AGPAT5: variants seen among roughly 807,000 people sequenced by gnomAD.
AGPAT5 encodes the protein 1-acylglycerol-3-phosphate O-acyltransferase 5.
In AGPAT5, 46 loss-of-function variants were observed where a neutral mutation model predicts 45.6. That is an observed-to-expected ratio of 1.01 (90% confidence interval 0.80 to 1.29). The LOEUF (loss-of-function observed/expected upper bound fraction) is 1.29. Among genes scored for constraint, AGPAT5 ranks in the 50% most tolerant of loss-of-function variants. The pLI is 0.00. For missense variants in AGPAT5, 673 were observed against 450.7 expected (o/e 1.49, Z -4.47); for synonymous variants, 272 against 167.0 (o/e 1.63, Z -4.85).
rs1801648336 is a variant in AGPAT5 at position 6,751,322 on chromosome 8, A to G, written c.745+3494A>G. 2.0e-5 allele frequency among the ~76,000 whole-genome samples: 3 copies of G among 152,288 alleles called. No homozygotes were observed. The East Asian group carries it at 5.8e-4, about 29-fold the overall frequency. ...AATAATTTTTTTCTGAAGTTGGTAG[A>G]TTGTTGATATGCCATGGCCCAGTGT... On this transcript the variant is annotated intron_variant, in intron 6 of 7. Coordinates refer to ENST00000285518, the MANE Select transcript of AGPAT5 (RefSeq NM_018361.5).
Position 6,718,643 on chromosome 8 carries a change from T to C in AGPAT5, c.220-6227T>C, listed in dbSNP as rs948176181. 7.9e-5 allele frequency among the ~76,000 whole-genome samples: 12 copies of C among 152,228 alleles called. 1 individual carries two copies. Among genetic ancestry groups the C allele is most frequent in the African/African-American group, 2.9e-4 (12 of 41,468 alleles). On this transcript the variant is annotated intron_variant, in intron 1 of 7. Coordinates refer to ENST00000285518, the MANE Select transcript of AGPAT5 (RefSeq NM_018361.5). ...GCTGATGATTCCATGGATAGCCCAC[T>C]ACTAGTATTTTTACAAATTTCACAA...
chr8:6,736,138 C>T (rs1177945171), intron 4 of AGPAT5, among the ~76,000 whole-genome samples: 3 of 152,188 alleles, frequency 2.0e-5, no homozygotes, highest in African/African-American at 7.2e-5. Flanking sequence ...AGGTGTGAGC[C>T]ACCACGCCCA....
chr8:6,720,515 G>A (rs1800463536), intron 1 of AGPAT5, among the ~76,000 whole-genome samples: 1 of 152,214 alleles, frequency 6.6e-6, no homozygotes. Flanking sequence ...CAAGTTGAAT[G>A]TGGCAGAGTT....
rs765146947 is a variant in AGPAT5, at chr8:6,730,822, C to T, written c.401C>T (p.Ala134Val). Residue 134 changes from alanine (A) to valine (V), a missense_variant, in exon 3 of 8, where the codon GCT becomes GTT. Ala to Val is a moderately conservative substitution (Grantham distance 64). Transcript: ENST00000285518. ...KWLPLYGCYF[A>V]QHGGIYVKRS... ...CTGCCATTGTATGGGTGTTACTTTGCTCAGGTAACTTGTTTCCATGCTTTT... is the reference window on the plus strand; with the variant it reads ...CTGCCATTGTATGGGTGTTACTTTGTTCAGGTAACTTGTTTCCATGCTTTT... The T allele has an allele frequency of 3.1e-6, 5 of 1,607,630 alleles. No homozygotes were observed. Among genetic ancestry groups the T allele is most frequent in the Non-Finnish European group, 3.4e-6 (4 of 1,175,012 alleles).
At chr8:6,748,400 G>A (rs1373881740) in intron 6 of AGPAT5, among the ~76,000 whole-genome samples, 2 of 152,170 alleles carry the variant, frequency 1.3e-5, no homozygotes, top group African/African-American at 4.8e-5. Flanking sequence ...ATGTAAACAT[G>A]GAAATAGGCA....
intron 1 of AGPAT5, among the ~76,000 whole-genome samples, chr8:6,710,260 G>C (rs1360344014): frequency 6.6e-6 from 1 of 152,184 alleles, no homozygotes; most frequent in Non-Finnish European, 1.5e-5. Context: ...GTAAAACCTA[G>C]CAGTGTTTCT....
chr8:6,747,806 AAG>A lies in AGPAT5; in HGVS notation c.728_729del (p.Glu243ValfsTer20), dbSNP rs1467129783. On this transcript the variant is annotated frameshift_variant, in exon 6 of 8. Coordinates refer to ENST00000285518, the MANE Select transcript of AGPAT5 (RefSeq NM_018361.5). LOFTEE classifies it high-confidence loss of function. ...YEGKDDGGQR[R>X]ESPTMTEFLC... The stretch of plus-strand genomic sequence containing the variant: ...AAGGGAAAGACGATGGAGGGCAGCG[AAG>A]AGAGTCACCGACCATGACGGGTAAG... The A allele has an allele frequency of 1.9e-6, 3 of 1,614,028 alleles. No individual in the cohort carries two copies. The highest frequency in any genetic ancestry group is 2.5e-6 in the Non-Finnish European group (3 of 1,180,020).
chr8:6,742,037 T>G (rs79061906), intron 5 of AGPAT5, among the ~76,000 whole-genome samples: 2,106 of 152,312 alleles, frequency 0.014, 31 homozygotes, highest in African/African-American at 0.041. Context: ...ATTATGTAGA[T>G]GGAAGCTTTT....
intron 1 of AGPAT5, among the ~76,000 whole-genome samples, chr8:6,715,456 C>G (rs1011741284): frequency 6.6e-6 from 1 of 152,170 alleles, no homozygotes; most frequent in African/African-American, 2.4e-5. Flanking sequence ...GGGTTAGTAA[C>G]ACACTCAGTC....
intron 5 of AGPAT5, chr8:6,746,363 A>T (rs1432482646): frequency 6.6e-6 from 1 of 152,200 alleles, no homozygotes; most frequent in African/African-American, 2.4e-5. Flanking sequence ...TTTTTAAAAC[A>T]TTCATGATAA....
chr8:6,739,875 C>G (rs1383176070), intron 4 of AGPAT5, among the ~76,000 whole-genome samples: 1 of 152,044 alleles, frequency 6.6e-6, no homozygotes, highest in African/African-American at 2.4e-5. Flanking sequence ...TTCTTTAGTT[C>G]CTAGCCCCAT....
intron 2 of AGPAT5, among the ~76,000 whole-genome samples, chr8:6,729,922 C>G (rs556563148): frequency 4.3e-4 from 66 of 152,290 alleles, no homozygotes; most frequent in African/African-American, 1.6e-3. Flanking sequence ...CATTGTAAGG[C>G]ATGTGAGACC....
intron 5 of AGPAT5, among the ~76,000 whole-genome samples, chr8:6,743,212 GT>G (rs905931423): frequency 1.4e-4 from 22 of 152,242 alleles, no homozygotes; most frequent in African/African-American, 5.1e-4. Flanking sequence ...CCAGTGTCAG[GT>G]TTTGGTGTTT....
chr8:6,709,167 G>C (rs75702560), intron 1 of AGPAT5: 340 of 518,254 alleles, frequency 6.6e-4, no homozygotes, highest in African/African-American at 6.1e-3. Flanking sequence ...AGCAAAGTGG[G>C]TGCAGATGCA....
At chr8:6,716,327 G>C (rs1040816955) in intron 1 of AGPAT5, among the ~76,000 whole-genome samples, 2 of 152,106 alleles carry the variant, frequency 1.3e-5, no homozygotes, top group African/African-American at 4.8e-5. Context: ...GGGAGGCCAA[G>C]GAGGGTGGAT....
At chr8:6,712,978 C>G (rs1800201371) in intron 1 of AGPAT5, among the ~76,000 whole-genome samples, 2 of 152,130 alleles carry the variant, frequency 1.3e-5, no homozygotes, top group South Asian at 4.1e-4. Context: ...AAAAATTAAT[C>G]AACACGTAAT....
chr8:6,755,035 T>G lies in AGPAT5; in HGVS notation c.746-16T>G, dbSNP rs1193139214. Reference sequence around the variant, plus strand: ...TAAAATAGTAAAAAAAAAGAATTATTTTTGTTCTTTGTTAGAATTTCTCTG... The same window carrying G: ...TAAAATAGTAAAAAAAAAGAATTATGTTTGTTCTTTGTTAGAATTTCTCTG... On this transcript the variant is annotated splice_polypyrimidine_tract_variant and intron_variant, in intron 6 of 7. Transcript: ENST00000285518. The G allele has an allele frequency of 6.4e-7, 1 of 1,560,454 alleles. No individual in the cohort carries two copies. The highest frequency in any genetic ancestry group is 1.4e-5 in the African/African-American group (1 of 72,032).
intron 4 of AGPAT5, among the ~76,000 whole-genome samples, chr8:6,739,160 C>T (rs1037125243): frequency 1.3e-5 from 2 of 151,454 alleles, no homozygotes; most frequent in African/African-American, 4.9e-5. Flanking sequence ...ATATATATAT[C>T]CTTATGCCAA....
intron 6 of AGPAT5, among the ~76,000 whole-genome samples, chr8:6,752,153 G>C (rs369475847): frequency 3.5e-4 from 53 of 152,222 alleles, no homozygotes; most frequent in African/African-American, 1.2e-3. Context: ...CTCTAGCCTG[G>C]CTGACAGAGC....
Sources: gnomAD v4.1 joint callset for allele counts (sites outside exome capture counted in the v4.1 genomes callset) on GRCh38, gnomAD v4.1.1 for gene constraint, MANE v1.5 for transcripts, NCBI Gene and HGNC (gene_info 2026-07-23, HGNC 2026-07-21) for gene names.